The following ANTXR2 variants were observed in gnomAD, a reference collection of about 807,000 sequenced individuals.
The protein encoded by ANTXR2 is ANTXR cell adhesion molecule 2, also known as anthrax toxin receptor 2.
Under a neutral mutation model 73.7 loss-of-function variants are expected in ANTXR2, and 44 were observed. That is an observed-to-expected ratio of 0.60 (90% CI 0.47 to 0.77). ANTXR2 has a LOEUF of 0.77. ANTXR2 is among the 30% of genes least tolerant of loss of function. The pLI is 0.00. For synonymous variants in ANTXR2, 217 were observed against 205.9 expected, an observed-to-expected ratio of 1.05 and a Z score of -0.46; for missense variants, 604 against 592.5, an observed-to-expected ratio of 1.02 and a Z score of -0.20.
intron 12 of ANTXR2, among the ~76,000 whole-genome samples, chr4:80,005,309 C>T (rs547060413): frequency 2.0e-4 from 30 of 152,154 alleles, no homozygotes; most frequent in South Asian, 1.0e-3. Flanking sequence ...TAAATATTTG[C>T]CACTAGTTCT....
chr4:79,999,653 ATATG>A (rs1162516302), intron 12 of ANTXR2, among the ~76,000 whole-genome samples: 1 of 152,100 alleles, frequency 6.6e-6, no homozygotes, highest in East Asian at 1.9e-4. Context: ...AGATATGGAA[ATATG>A]TATGTTTCTT....
chr4:79,980,671 T>G (rs185320219), intron 14 of ANTXR2, among the ~76,000 whole-genome samples: 1 of 152,238 alleles, frequency 6.6e-6, no homozygotes, highest in East Asian at 1.9e-4. Context: ...GAAACACACA[T>G]TTGAAGTCAT....
At chr4:80,054,439 C>A (rs1733899951) in intron 6 of ANTXR2, 87 bp from the exon 7 acceptor site, 1 of 964,140 alleles carries the variant, frequency 1.0e-6, no homozygotes, top group Admixed American at 2.6e-5. Flanking sequence ...TTATGTTCAT[C>A]TGAAAAATTA....
At chr4:80,006,565 G>A (rs537941709) in intron 12 of ANTXR2, among the ~76,000 whole-genome samples, 20 of 152,090 alleles carry the variant, frequency 1.3e-4, no homozygotes, top group Admixed American at 9.8e-4. Flanking sequence ...TTCTGAGGAC[G>A]GGAAGCCTTT....
rs28688624 is a variant in ANTXR2 at position 79,984,697 on chromosome 4, A to C, written c.1086+122T>G. On this transcript the variant is annotated intron_variant, in intron 13 of 16. Transcript: ENST00000403729. ...TGAAAAATAACCACTGATTTGTATAAATTAAAAAGTCAGTACATAGGTATC... is the reference window on the plus strand; with the variant it reads ...TGAAAAATAACCACTGATTTGTATACATTAAAAAGTCAGTACATAGGTATC... 361,908 of 850,464 alleles carry C rather than the reference A, an allele frequency of 0.43. 81,342 individuals carry two copies. Among genetic ancestry groups the C allele is most frequent in the Admixed American group, 0.46 (21,646 of 46,658 alleles). The allele number at this position is 850,464 out of a possible 1,614,324, so 52.7% of individuals were successfully genotyped here.
chr4:79,944,546 T>C (rs1728441911), intron 16 of ANTXR2, among the ~76,000 whole-genome samples: 1 of 150,910 alleles, frequency 6.6e-6, no homozygotes, highest in Non-Finnish European at 1.5e-5. Context: ...TGTGTATAGT[T>C]CTAATTTGTG....
At chr4:80,041,225 C>T (rs1207579398) in intron 7 of ANTXR2, among the ~76,000 whole-genome samples, 5 of 152,010 alleles carry the variant, frequency 3.3e-5, no homozygotes, top group African/African-American at 4.8e-5. Flanking sequence ...TGAGTCCAAA[C>T]CCCATTCTTC....
intron 12 of ANTXR2, among the ~76,000 whole-genome samples, chr4:79,987,888 G>A (rs1730261937): frequency 6.6e-6 from 1 of 151,954 alleles, no homozygotes; most frequent in Admixed American, 6.6e-5. Context: ...AAGTGAAGGG[G>A]GAATAAAATC....
intron 16 of ANTXR2, among the ~76,000 whole-genome samples, chr4:79,948,901 A>G (rs1389572989): frequency 6.6e-6 from 1 of 152,184 alleles, no homozygotes; most frequent in African/African-American, 2.4e-5. Context: ...TCTGTACATG[A>G]TTTAAACACT....
chr4:79,931,915 CTTT>C (rs1401454476), intron 16 of ANTXR2, among the ~76,000 whole-genome samples: 1 of 152,200 alleles, frequency 6.6e-6, no homozygotes, highest in African/African-American at 2.4e-5. Context: ...CCCAACCATT[CTTT>C]ATTTCCTTAT....
At chr4:79,924,607 C>T (rs143957367) in intron 16 of ANTXR2, among the ~76,000 whole-genome samples, 2 of 152,016 alleles carry the variant, frequency 1.3e-5, no homozygotes, top group African/African-American at 2.4e-5. Context: ...CAGAGTTGTT[C>T]TTCTTTTGGC....
intron 3 of ANTXR2, among the ~76,000 whole-genome samples, chr4:80,068,011 G>C (rs1734588884): frequency 6.6e-6 from 1 of 152,068 alleles, no homozygotes; most frequent in African/African-American, 2.4e-5. Context: ...TTAAAAAGAA[G>C]AAAGAAAGGA....
chr4:79,952,889 C>G (rs1357815231), intron 16 of ANTXR2, among the ~76,000 whole-genome samples: 2 of 151,862 alleles, frequency 1.3e-5, no homozygotes, highest in East Asian at 3.8e-4. Context: ...ATAAAGGAAA[C>G]CTCCTATTTC....
intron 16 of ANTXR2, among the ~76,000 whole-genome samples, chr4:79,953,150 C>G (rs529425927): frequency 3.3e-5 from 5 of 152,116 alleles, no homozygotes; most frequent in African/African-American, 1.2e-4. Context: ...GTTCCCAGTA[C>G]TCACACACTA....
intron 16 of ANTXR2, among the ~76,000 whole-genome samples, chr4:79,973,485 T>G (rs760097565): frequency 2.7e-5 from 4 of 148,300 alleles, no homozygotes; most frequent in Non-Finnish European, 4.5e-5. Flanking sequence ...AGCTCACTAC[T>G]GCGATCTCAG....
intron 16 of ANTXR2, among the ~76,000 whole-genome samples, chr4:79,966,281 A>G (rs538426359): frequency 1.3e-5 from 2 of 152,286 alleles, no homozygotes; most frequent in South Asian, 4.1e-4. Context: ...CCTAAATTTT[A>G]ATTTTCTTTA....
At chr4:80,041,673 G>C (rs1733257224) in intron 7 of ANTXR2, among the ~76,000 whole-genome samples, 1 of 151,972 alleles carries the variant, frequency 6.6e-6, no homozygotes, top group Non-Finnish European at 1.5e-5. Context: ...CTGTGTCCAT[G>C]TGACCTCACA....
rs1231698421 is a variant in ANTXR2 at position 79,907,472 on chromosome 4, A to C, written c.1429-5T>G. The stretch of plus-strand genomic sequence containing the variant: ...GGAGAAGTTTATGCACCGGCCCTGA[A>C]GAAAGAAATAAATCCATATTGAAAT... On this transcript the variant is annotated splice_polypyrimidine_tract_variant and splice_region_variant and intron_variant, in intron 16 of 16. Coordinates refer to ENST00000403729, the MANE Select transcript of ANTXR2 (RefSeq NM_058172.6). 1 of 1,612,462 alleles carries C rather than the reference A, an allele frequency of 6.2e-7. No individual in the cohort carries two copies. The highest frequency in any genetic ancestry group is 8.5e-7 in the Non-Finnish European group (1 of 1,178,912).
intron 10 of ANTXR2, among the ~76,000 whole-genome samples, chr4:80,029,149 T>C (rs1732573212): frequency 6.6e-6 from 1 of 152,154 alleles, no homozygotes; most frequent in African/African-American, 2.4e-5. Flanking sequence ...TTAACCTATC[T>C]ACAAATAATT....
Sources: gnomAD v4.1 joint callset for allele counts (sites outside exome capture counted in the v4.1 genomes callset) on GRCh38, gnomAD v4.1.1 for gene constraint, MANE v1.5 for transcripts, NCBI Gene and HGNC (gene_info 2026-07-23, HGNC 2026-07-21) for gene names.